Variants in SCHIP1 observed in about 807,000 individuals in gnomAD.
SCHIP1 encodes the protein schwannomin-interacting protein 1.
In SCHIP1, 8 loss-of-function variants were observed where a neutral mutation model predicts 29.7. That is an observed-to-expected ratio of 0.27 (90% CI 0.16 to 0.49). The LOEUF (loss-of-function observed/expected upper bound fraction) is 0.49, where lower values mean the gene tolerates loss of function less well. Ranked by LOEUF, SCHIP1 falls within the 20% of genes least tolerant of loss-of-function variation. The probability of loss-of-function intolerance (pLI) is 0.99; values close to 1 mark genes in which losing one functional copy is unlikely to be tolerated. For missense variants in SCHIP1, 193 were observed against 294.6 expected (o/e 0.66, Z 2.52); for synonymous variants, 76 against 94.9 (o/e 0.80, Z 1.16).
chr3:159,474,701 C>T, the SCHIP1 span, among the ~76,000 whole-genome samples: 1 of 152,160 alleles, frequency 6.6e-6, no homozygotes, highest in South Asian at 2.1e-4. Flanking sequence ...GGGAAGGGAG[C>T]TTAAAGGCAC....
At chr3:159,311,383 A>G in the SCHIP1 span, among the ~76,000 whole-genome samples, 1 of 152,152 alleles carries the variant, frequency 6.6e-6, no homozygotes, top group Admixed American at 6.6e-5. Flanking sequence ...GTTAATTTTT[A>G]TGCATAGCCT....
chr3:159,292,261 A>G, the SCHIP1 span, among the ~76,000 whole-genome samples: 52 of 152,256 alleles, frequency 3.4e-4, no homozygotes, highest in African/African-American at 1.2e-3. Flanking sequence ...GATGTAAAGT[A>G]TAAGAAAATC....
chr3:159,646,891 G>C, the SCHIP1 span, among the ~76,000 whole-genome samples: 2 of 152,018 alleles, frequency 1.3e-5, no homozygotes, highest in African/African-American at 2.4e-5. Flanking sequence ...AATACTAAAA[G>C]AGACCCAGGA....
At chr3:159,599,495 T>C in the SCHIP1 span, among the ~76,000 whole-genome samples, 1 of 152,276 alleles carries the variant, frequency 6.6e-6, no homozygotes, top group Non-Finnish European at 1.5e-5. Context: ...ACTGAGAACA[T>C]GCAATGTTTG....
chr3:159,493,581 G>A, the SCHIP1 span, among the ~76,000 whole-genome samples: 1 of 151,678 alleles, frequency 6.6e-6, no homozygotes, highest in South Asian at 2.1e-4. Context: ...ACCCAATACA[G>A]GAGCACCCAG....
the SCHIP1 span, among the ~76,000 whole-genome samples, chr3:159,622,123 G>C: frequency 6.6e-6 from 1 of 152,200 alleles, no homozygotes; most frequent in Non-Finnish European, 1.5e-5. Context: ...AAGCAGCTCT[G>C]TTTTCAGTCA....
chr3:159,579,126 G>A, the SCHIP1 span, among the ~76,000 whole-genome samples: 1 of 152,148 alleles, frequency 6.6e-6, no homozygotes, highest in African/African-American at 2.4e-5. Flanking sequence ...GTATCGCAAT[G>A]CAAATACAGG....
chr3:159,564,725 T>C, the SCHIP1 span, among the ~76,000 whole-genome samples: 1 of 152,216 alleles, frequency 6.6e-6, no homozygotes, highest in African/African-American at 2.4e-5. Context: ...GTACAGCGTA[T>C]ACTCTTTTAT....
the SCHIP1 span, among the ~76,000 whole-genome samples, chr3:159,472,995 G>T: frequency 6.6e-6 from 1 of 152,154 alleles, no homozygotes; most frequent in Non-Finnish European, 1.5e-5. Context: ...ACTAGTCCCA[G>T]TGAGTGATCA....
At chr3:159,687,718 T>C in the SCHIP1 span, among the ~76,000 whole-genome samples, 1 of 152,158 alleles carries the variant, frequency 6.6e-6, no homozygotes, top group African/African-American at 2.4e-5. Context: ...ATCAATTACA[T>C]TAGGTATTTA....
upstream of SCHIP1, among the ~76,000 whole-genome samples, chr3:159,838,689 G>A (rs1433009921): frequency 6.6e-6 from 1 of 151,936 alleles, no homozygotes; most frequent in Admixed American, 6.6e-5. Context: ...AGGAGATCAA[G>A]ACCATCCTGG....
the SCHIP1 span, among the ~76,000 whole-genome samples, chr3:159,542,821 T>C: frequency 7.5e-4 from 114 of 152,188 alleles, no homozygotes; most frequent in Non-Finnish European, 1.2e-3. Flanking sequence ...GAATGATCTG[T>C]TGGGCCTTTC....
the SCHIP1 span, among the ~76,000 whole-genome samples, chr3:159,495,765 T>G: frequency 6.6e-6 from 1 of 152,168 alleles, no homozygotes; most frequent in Admixed American, 6.5e-5. Context: ...TACTTTAAAG[T>G]TCATATGCAA....
chr3:159,673,780 A>AAACAAC, the SCHIP1 span, among the ~76,000 whole-genome samples: 3 of 152,126 alleles, frequency 2.0e-5, no homozygotes, highest in African/African-American at 4.8e-5. Context: ...TTAATATTAA[A>AAACAAC]AACAACAACA....
At chr3:159,694,449 A>T in the SCHIP1 span, among the ~76,000 whole-genome samples, 1 of 151,078 alleles carries the variant, frequency 6.6e-6, no homozygotes, top group Non-Finnish European at 1.5e-5. Flanking sequence ...CAACTGTGAG[A>T]CGGAGGTTAC....
the SCHIP1 span, among the ~76,000 whole-genome samples, chr3:159,435,421 G>T: frequency 6.6e-6 from 1 of 152,070 alleles, no homozygotes; most frequent in Admixed American, 6.6e-5. Context: ...TGCACCTACA[G>T]GGATAAGCTC....
At chr3:159,776,754 A>G in the SCHIP1 span, among the ~76,000 whole-genome samples, 1 of 152,246 alleles carries the variant, frequency 6.6e-6, no homozygotes, top group Non-Finnish European at 1.5e-5. Flanking sequence ...CTGTACTAAC[A>G]CGTGACTAAA....
At chr3:159,291,759 A>C in the SCHIP1 span, among the ~76,000 whole-genome samples, 1 of 152,194 alleles carries the variant, frequency 6.6e-6, no homozygotes, top group Non-Finnish European at 1.5e-5. Context: ...AACTTCCACT[A>C]TAGGAAATAT....
At chr3:159,397,001 T>C in the SCHIP1 span, among the ~76,000 whole-genome samples, 2 of 144,340 alleles carry the variant, frequency 1.4e-5, no homozygotes, top group East Asian at 4.2e-4. Flanking sequence ...CCCATATTTC[T>C]TGGAGGCTTT....
Sources: allele counts gnomAD v4.1 joint callset (sites outside exome capture counted in the v4.1 genomes callset), GRCh38; gene constraint gnomAD v4.1.1; transcripts MANE v1.5; gene names NCBI Gene and HGNC (gene_info 2026-07-23, HGNC 2026-07-21).